DPH2: variants seen among roughly 807,000 people sequenced by gnomAD.
The protein encoded by DPH2 is 2-(3-amino-3-carboxypropyl)histidine synthase subunit 2.
DPH2 carries 28 observed loss-of-function variants against 42.5 expected under a neutral mutation model. The observed-to-expected ratio is 0.66, with a 90% CI of 0.49 to 0.90. DPH2 has a LOEUF of 0.90. Ranked by LOEUF, DPH2 falls within the 40% of genes least tolerant of loss-of-function variation. DPH2 has a pLI of 0.00. For synonymous variants in DPH2, 279 were observed against 264.4 expected (o/e 1.06, Z -0.53); for missense variants, 576 against 636.0 (o/e 0.91, Z 1.01).
At chr1:43,970,851 A>C in intron 2 of DPH2, 115 bp from the exon 3 acceptor site, 1 of 1,333,102 alleles carries the variant, frequency 7.5e-7, no homozygotes, top group Non-Finnish European at 1.1e-6. Context: ...AGCTCCTTTC[A>C]TTGACAATGT....
chr1:43,970,476 G>A (rs1202338521), intron 1 of DPH2, 120 bp from the exon 2 acceptor site: 2 of 1,509,578 alleles, frequency 1.3e-6, no homozygotes, highest in East Asian at 2.3e-5. Flanking sequence ...ACTACGTGGG[G>A]CAGAGTGCCC....
At position 43,971,427 on chromosome 1, in the gene DPH2, G is replaced by C; in HGVS notation, c.525G>C (p.Leu175=). 6.2e-7 allele frequency: 1 copy of C among 1,608,212 alleles called. No homozygotes were observed. Among genetic ancestry groups the C allele is most frequent in the South Asian group, 1.1e-5 (1 of 90,864 alleles). The part of the protein sequence containing the change: ...ATLLRPRYLD[L]LVSSPAFPQP... ...TCCTGCGCCCACGGTACCTGGACCT[G>C]CTAGTCTCCAGCCCAGCTTTTCCCC... is the stretch of plus-strand genomic sequence containing the variant. The change falls in exon 4 of 6, where the codon CTG becomes CTC. Residue 175 remains leucine, a synonymous_variant. Transcript: ENST00000255108.
chr1:43,970,159 C>T lies in DPH2; in HGVS notation c.-17C>T. 6.2e-7 allele frequency: 1 copy of T among 1,611,706 alleles called. No individual in the cohort carries two copies. Among genetic ancestry groups the T allele is most frequent in the Non-Finnish European group, 8.5e-7 (1 of 1,178,774 alleles). ...CAGGGAGGTCCCCGCTGCATCCCAC[C>T]ACCCAAGCTGTGCCTCATGGAGTCG... On this transcript the variant is annotated 5_prime_UTR_variant, in exon 1 of 6. Transcript: ENST00000255108.
intron 1 of DPH2, 114 bp downstream of exon 1, chr1:43,970,436 C>A: frequency 6.5e-7 from 1 of 1,541,702 alleles, no homozygotes; most frequent in Non-Finnish European, 8.8e-7. Flanking sequence ...AGTCTGTCCG[C>A]AGCGCGTTGA....
intron 2 of DPH2, 121 bp downstream of exon 2, chr1:43,970,829 C>T: frequency 7.8e-7 from 1 of 1,273,962 alleles, no homozygotes; most frequent in Non-Finnish European, 1.1e-6. Flanking sequence ...TAATGACTCC[C>T]CTTCTGATGC....
chr1:43,971,212 G>A, intron 3 of DPH2, 23 bp downstream of exon 3: 1 of 1,544,720 alleles, frequency 6.5e-7, no homozygotes, highest in Non-Finnish European at 8.8e-7. Context: ...GCCTGTGTAT[G>A]CACAAAGGGT....
Position 43,970,856 on chromosome 1 carries a change from C to T in DPH2, c.261-110C>T, listed in dbSNP as rs577504701. The stretch of plus-strand genomic sequence containing the variant: ...TTCTGATGCTAGCTCCTTTCATTGA[C>T]AATGTCTTCCTTTAATGAAACCATT... On this transcript the variant is annotated intron_variant, in intron 2 of 5. Coordinates refer to ENST00000255108, the MANE Select transcript of DPH2 (RefSeq NM_001384.5). The T allele has an allele frequency of 7.2e-4, 961 of 1,335,702 alleles. 2 individuals carry two copies. The highest frequency in any genetic ancestry group is 5.0e-3 in the Middle Eastern group (28 of 5,596). The allele number at this position is 1,335,702 out of a possible 1,614,324, so 82.7% of individuals were successfully genotyped here.
intron 2 of DPH2, 62 bp downstream of exon 2, chr1:43,970,770 T>C: frequency 6.7e-7 from 1 of 1,497,068 alleles, no homozygotes; most frequent in Non-Finnish European, 9.3e-7. Flanking sequence ...GTTTTACGTC[T>C]ATGACAGTGA....
In DPH2 at chr1:43,972,988, C is replaced by T. The variant is rs1316047051; in HGVS notation, c.*449C>T. 6.3e-6 allele frequency: 1 copy of T among 158,080 alleles called. No homozygotes were observed. The allele number at this position is 158,080 out of a possible 1,614,324, so 9.8% of individuals were successfully genotyped here. ...TGGTGTATGGTAGGGTGCTCAGCAG[C>T]ATCCCTGGCCTCTGCCCACTAGACA... On this transcript the variant is annotated 3_prime_UTR_variant, in exon 6 of 6. Transcript: ENST00000255108.
chr1:43,970,877 C>A lies in DPH2; in HGVS notation c.261-89C>A, dbSNP rs41270391. The A allele has an allele frequency of 2.7e-3, 3,817 of 1,418,696 alleles. 9 individuals carry two copies. The highest frequency in any genetic ancestry group is 4.2e-3 in the South Asian group (352 of 83,344). The allele number at this position is 1,418,696 out of a possible 1,614,324, so 87.9% of individuals were successfully genotyped here. A position where few individuals can be genotyped will look rare whatever the true frequency, so the allele number is the denominator to read the frequency against. On this transcript the variant is annotated intron_variant, in intron 2 of 5. Coordinates refer to ENST00000255108, the MANE Select transcript of DPH2 (RefSeq NM_001384.5). ...TTGACAATGTCTTCCTTTAATGAAA[C>A]CATTTTATTCACTGACCACATTTCC...
rs769343131 is a variant in DPH2 at position 43,971,062 on chromosome 1, C to T, written c.357C>T (p.Pro119=). ...ACLSPPARPL[P]VAFVLRQRSV... Reference sequence around the variant, plus strand: ...TAAGCCCTCCAGCCCGCCCACTGCCCGTTGCCTTCGTGCTTCGTCAACGTT... The same window carrying T: ...TAAGCCCTCCAGCCCGCCCACTGCCTGTTGCCTTCGTGCTTCGTCAACGTT... Residue 119 remains proline, a synonymous_variant, in exon 3 of 6, where the codon CCC becomes CCT. Coordinates refer to ENST00000255108, the MANE Select transcript of DPH2 (RefSeq NM_001384.5). 13 of 1,571,894 alleles carry T rather than the reference C, an allele frequency of 8.3e-6. No individual in the cohort carries two copies. Among genetic ancestry groups the T allele is most frequent in the South Asian group, 3.5e-5 (3 of 85,978 alleles).
At position 43,973,079 on chromosome 1, in the gene DPH2, G is replaced by A. The variant is rs2085469547; in HGVS notation, c.*540G>A. 1.3e-5 allele frequency: 2 copies of A among 154,344 alleles called. No homozygotes were observed. Among genetic ancestry groups the A allele is most frequent in the Non-Finnish European group, 2.9e-5 (2 of 69,574 alleles). The allele number at this position is 154,344 out of a possible 1,614,324, so 9.6% of individuals were successfully genotyped here. ...CAGACCTTGGCAAATGTTATCTGTG[G>A]GGGAAAATTGCCCTCAATTGAGAAC... On this transcript the variant is annotated 3_prime_UTR_variant, in exon 6 of 6. Coordinates refer to ENST00000255108, the MANE Select transcript of DPH2 (RefSeq NM_001384.5).
rs958559482 is a variant in DPH2 at position 43,972,687 on chromosome 1, C to T, written c.*148C>T. ...AGGCAGCCCTTCACAGGATAGGATCCGTCTCTGTCCTGTCCTGGCACTGGC... is the reference window on the plus strand; with the variant it reads ...AGGCAGCCCTTCACAGGATAGGATCTGTCTCTGTCCTGTCCTGGCACTGGC... On this transcript the variant is annotated 3_prime_UTR_variant, in exon 6 of 6. Transcript: ENST00000255108. 1.9e-5 allele frequency: 22 copies of T among 1,135,160 alleles called. No individual in the cohort carries two copies. In the South Asian group the frequency reaches 2.0e-4, roughly 10 times the overall value. 70.3% of individuals were successfully genotyped at this position (1,135,160 alleles called of 1,614,324 possible).
chr1:43,972,221 C>T lies in DPH2; in HGVS notation c.1232C>T (p.Ser411Leu). The T allele has an allele frequency of 6.2e-7, 1 of 1,614,220 alleles. No individual in the cohort carries two copies. The highest frequency in any genetic ancestry group is 1.1e-5 in the South Asian group (1 of 91,082). Reference protein sequence around the residue: ...ESELWETPDVSLITGDLRPPP... With the variant: ...ESELWETPDVLLITGDLRPPP... The stretch of plus-strand genomic sequence containing the variant: ...GAGCTGTGGGAAACCCCAGACGTGT[C>T]ACTCATTACTGGAGATCTCCGACCC... The change falls in exon 5 of 6, where the codon TCA becomes TTA. Residue 411 changes from serine to leucine, a missense_variant. Transcript: ENST00000255108.
chr1:43,970,408 C>T lies in DPH2; in HGVS notation c.147+86C>T, dbSNP rs965103429. On this transcript the variant is annotated intron_variant, in intron 1 of 5. Coordinates refer to ENST00000255108, the MANE Select transcript of DPH2 (RefSeq NM_001384.5). ...CGGATCTTGGGGGATTTTGTGAGGG[C>T]GAGAGGGTGGGGGAATCAGTCTGTC... The T allele has an allele frequency of 8.3e-6, 13 of 1,565,618 alleles. No homozygotes were observed. The African/African-American group carries it at 1.6e-4, about 20-fold the overall frequency.
rs1399198409 is a variant in DPH2 at position 43,972,736 on chromosome 1, A to G, written c.*197A>G. 1 of 698,426 alleles carries G rather than the reference A, an allele frequency of 1.4e-6. No homozygotes were observed. Among genetic ancestry groups the G allele is most frequent in the Non-Finnish European group, 2.3e-6 (1 of 431,650 alleles). The allele number at this position is 698,426 out of a possible 1,614,324, so 43.3% of individuals were successfully genotyped here. A position where few individuals can be genotyped will look rare whatever the true frequency, so the allele number is the denominator to read the frequency against. ...GCACAAGCTCAGCACATGCCCAGTA[A>G]TGCGTGTTGTTTGGCTGATGGAATA... On this transcript the variant is annotated 3_prime_UTR_variant, in exon 6 of 6. Coordinates refer to ENST00000255108, the MANE Select transcript of DPH2 (RefSeq NM_001384.5).
chr1:43,970,211 G>A lies in DPH2; in HGVS notation c.36G>A (p.Ala12=). ...ESMFSSPAEA[A]LQRETGVPGL... is the part of the protein sequence containing the mutation. ...TGTTTAGCAGCCCTGCCGAGGCGGC[G>A]CTGCAGCGAGAGACCGGGGTGCCAG... The change falls in exon 1 of 6, where the codon GCG becomes GCA. Residue 12 remains alanine (A), a synonymous_variant. Transcript: ENST00000255108. 6.2e-7 allele frequency: 1 copy of A among 1,614,168 alleles called. No individual in the cohort carries two copies. Among genetic ancestry groups the A allele is most frequent in the Non-Finnish European group, 8.5e-7 (1 of 1,179,982 alleles).
chr1:43,971,701 C>T lies in DPH2; in HGVS notation c.799C>T (p.Leu267=), dbSNP rs922323162. 1.9e-6 allele frequency: 3 copies of T among 1,613,352 alleles called. No homozygotes were observed. Among genetic ancestry groups the T allele is most frequent in the African/African-American group, 1.3e-5 (1 of 74,940 alleles). The change falls in exon 4 of 6, where the codon CTA becomes TTA. Residue 267 remains leucine (L), a synonymous_variant. Transcript: ENST00000255108. ...GGATGAGGGTGCCCGGGCTGGACGG[C>T]TAAGGGCACGAAGACGATATCTGGT... ...TQDEGARAGR[L]RARRRYLVER...
rs535186172 is a variant in DPH2 at position 43,970,051 on chromosome 1, C to A, written c.-125C>A. 8 of 1,120,790 alleles carry A rather than the reference C, an allele frequency of 7.1e-6. No homozygotes were observed. In the African/African-American group the frequency reaches 1.1e-4, roughly 15 times the overall value. 69.4% of individuals were successfully genotyped at this position (1,120,790 alleles called of 1,614,324 possible). On this transcript the variant is annotated 5_prime_UTR_variant, in exon 1 of 6. Coordinates refer to ENST00000255108, the MANE Select transcript of DPH2 (RefSeq NM_001384.5). ...GAAGGGGATACTCACCGGCTGAAGG[C>A]CGACTGTGATTCCCCCTACCCCCAC... is the stretch of plus-strand genomic sequence containing the variant.
Sources: gnomAD v4.1 joint callset for allele counts on GRCh38, gnomAD v4.1.1 for gene constraint, MANE v1.5 for transcripts, NCBI Gene and HGNC (gene_info 2026-07-23, HGNC 2026-07-21) for gene names.